Variants in CDH6 observed in about 807,000 individuals in gnomAD.
CDH6 encodes cadherin-6.
In CDH6, 31 loss-of-function variants were observed where a neutral mutation model predicts 78.0. The observed-to-expected ratio is 0.40, with a 90% CI of 0.30 to 0.54. The LOEUF (loss-of-function observed/expected upper bound fraction) is 0.54, where lower values mean the gene tolerates loss of function less well. Ranked by LOEUF, CDH6 falls within the 20% of genes least tolerant of loss-of-function variation. CDH6 has a pLI of 0.56. For missense variants in CDH6, 724 were observed against 975.9 expected (o/e 0.74, Z 3.44); for synonymous variants, 376 against 368.8 (o/e 1.02, Z -0.23).
At chr5:31,194,531 T>G (rs1308542026) in intron 1 of CDH6, among the ~76,000 whole-genome samples, 2 of 152,188 alleles carry the variant, frequency 1.3e-5, no homozygotes, top group Non-Finnish European at 2.9e-5. Context: ...GGGCAACGCC[T>G]GCCGGCTCAT....
intron 1 of CDH6, among the ~76,000 whole-genome samples, chr5:31,264,740 G>A (rs545409703): frequency 3.9e-5 from 6 of 152,252 alleles, no homozygotes; most frequent in African/African-American, 1.4e-4. Context: ...ACCCTGTCAA[G>A]TTGATACAAA....
In CDH6 at chr5:31,262,525, G is replaced by C. The variant is rs181460443; in HGVS notation, c.-128-4821G>C. ...TATTAAGCAGCCTTTTACGTCCACT[G>C]CTAAACTGTCATTAGACTATAATTA... On this transcript the variant is annotated intron_variant, in intron 1 of 11. Coordinates refer to ENST00000265071, the MANE Select transcript of CDH6 (RefSeq NM_004932.4). 2.7e-3 allele frequency among the ~76,000 whole-genome samples: 416 copies of C among 152,290 alleles called. 2 individuals are homozygous for C. Among genetic ancestry groups the C allele is most frequent in the Non-Finnish European group, 4.1e-3 (276 of 68,038 alleles).
At chr5:31,276,801 A>G (rs1742710521) in intron 2 of CDH6, among the ~76,000 whole-genome samples, 1 of 152,196 alleles carries the variant, frequency 6.6e-6, no homozygotes, top group South Asian at 2.1e-4. Flanking sequence ...TCGATTCCTC[A>G]ACTGTTAAAT....
rs1267536350 is a variant in CDH6 at position 31,302,948 on chromosome 5, AAAGAAAGAAGGAAAGAAAAG to A, written c.999+653_999+672del. Among the ~76,000 whole-genome samples, 510 of 131,654 alleles carry A rather than the reference AAAGAAAGAAGGAAAGAAAAG, an allele frequency of 3.9e-3. 5 individuals carry two copies. Among genetic ancestry groups the A allele is most frequent in the African/African-American group, 9.6e-3 (371 of 38,762 alleles). The allele number at this position is 131,654 out of a possible 152,430, so 86.4% of individuals were successfully genotyped here. ...GAAAGAAAGAAAGAAAGAAAGAAAG[AAAGAAAGAAGGAAAGAAAAG>A]AAAGAAAGAAAGAAAGAAAACCAAT... On this transcript the variant is annotated intron_variant, in intron 6 of 11. Transcript: ENST00000265071.
intron 2 of CDH6, among the ~76,000 whole-genome samples, chr5:31,278,459 T>A (rs775082799): frequency 5.9e-5 from 9 of 152,202 alleles, no homozygotes; most frequent in Admixed American, 1.3e-4. Context: ...CCTTTGAGAC[T>A]TTTACAAATT....
intron 1 of CDH6, among the ~76,000 whole-genome samples, chr5:31,199,460 A>ATATATGTACACACATATGTG (rs1561193376): frequency 2.1e-4 from 5 of 23,712 alleles, no homozygotes; most frequent in East Asian, 9.5e-3. Flanking sequence ...ACATATGTGT[A>ATATATGTACACACATATGTG]TATATACACA....
chr5:31,302,944 A>AAAGG (rs1737856711), intron 6 of CDH6, among the ~76,000 whole-genome samples: 4 of 131,664 alleles, frequency 3.0e-5, no homozygotes, highest in Non-Finnish European at 6.9e-5. Flanking sequence ...AGAAAGAAAG[A>AAAGG]AAGAAAGAAA....
chr5:31,290,296 AACAG>A (rs1743122306), intron 2 of CDH6, among the ~76,000 whole-genome samples: 1 of 152,166 alleles, frequency 6.6e-6, no homozygotes, highest in Non-Finnish European at 1.5e-5. Flanking sequence ...CAACAGAGGA[AACAG>A]ACAAAGACCA....
At chr5:31,234,567 A>G (rs1485647978) in intron 1 of CDH6, among the ~76,000 whole-genome samples, 1 of 152,082 alleles carries the variant, frequency 6.6e-6, no homozygotes, top group Non-Finnish European at 1.5e-5. Flanking sequence ...CTCCACCTCC[A>G]CTCCACCACC....
chr5:31,268,310 A>G (rs1389329155), intron 2 of CDH6, among the ~76,000 whole-genome samples: 4 of 152,228 alleles, frequency 2.6e-5, no homozygotes, highest in African/African-American at 9.6e-5. Flanking sequence ...CTGTGGCAAA[A>G]TTTGTAAAAG....
At chr5:31,258,066 G>A (rs1022060620) in intron 1 of CDH6, among the ~76,000 whole-genome samples, 1 of 152,086 alleles carries the variant, frequency 6.6e-6, no homozygotes, top group African/African-American at 2.4e-5. Flanking sequence ...AACCATTGTG[G>A]AAGACAATGT....
Position 31,322,866 on chromosome 5 carries a change from C to T in CDH6, c.1931C>T (p.Pro644Leu), listed in dbSNP as rs1358427224. Residue 644 changes from proline to leucine, a missense_variant, in exon 12 of 12, where the codon CCT becomes CTT. Around this residue, in one of 3 missense-constraint regions of CDH6, gnomAD observed 220 missense variants for 240.6 expected, o/e 0.91. Coordinates refer to ENST00000265071, the MANE Select transcript of CDH6 (RefSeq NM_004932.4). Reference protein sequence around the residue: ...AALRRQRKKEPLIISKEDIRD... With the variant: ...AALRRQRKKELLIISKEDIRD... ...CTGAGGCGGCAGCGAAAAAAAGAGC[C>T]TTTGATCATTTCCAAAGAGGACATC... 1 of 1,614,100 alleles carries T rather than the reference C, an allele frequency of 6.2e-7. No homozygotes were observed. Among genetic ancestry groups the T allele is most frequent in the Admixed American group, 1.7e-5 (1 of 60,022 alleles).
chr5:31,295,197 C>T (rs1737550676), intron 3 of CDH6, among the ~76,000 whole-genome samples: 1 of 152,142 alleles, frequency 6.6e-6, no homozygotes, highest in Non-Finnish European at 1.5e-5. Context: ...TTTAAAGCCA[C>T]TTTGTTTTGT....
chr5:31,318,515 T>A, intron 11 of CDH6: 1 of 231,168 alleles, frequency 4.3e-6, no homozygotes. Context: ...ATAACTTCTG[T>A]GATTGAGGAA....
chr5:31,214,673 TA>T (rs1470662370), intron 1 of CDH6, among the ~76,000 whole-genome samples: 1 of 152,370 alleles, frequency 6.6e-6, no homozygotes, highest in African/African-American at 2.4e-5. Context: ...TGATTGCAGA[TA>T]AATTTTGACC....
chr5:31,322,543 T>C (rs900347287), intron 11 of CDH6, among the ~76,000 whole-genome samples: 1 of 152,174 alleles, frequency 6.6e-6, no homozygotes, highest in African/African-American at 2.4e-5. Context: ...TTGAAACTAG[T>C]TTGCCATTTC....
chr5:31,303,783 A>G (rs1737898654), intron 6 of CDH6, among the ~76,000 whole-genome samples: 1 of 152,162 alleles, frequency 6.6e-6, no homozygotes, highest in Admixed American at 6.5e-5. Flanking sequence ...GCTTTGGATT[A>G]CGTGTCTTAA....
chr5:31,227,300 T>C (rs1354824322), intron 1 of CDH6, among the ~76,000 whole-genome samples: 1 of 152,186 alleles, frequency 6.6e-6, no homozygotes, highest in East Asian at 1.9e-4. Context: ...ACGGTGGACG[T>C]GGAAGACAAT....
intron 7 of CDH6, among the ~76,000 whole-genome samples, chr5:31,310,241 T>C (rs1228417494): frequency 1.8e-5 from 2 of 111,398 alleles, no homozygotes; most frequent in Non-Finnish European, 4.1e-5. Flanking sequence ...CATGCAAGAC[T>C]GAAATCCAGC....
Sources: gnomAD v4.1 joint callset for allele counts (sites outside exome capture counted in the v4.1 genomes callset) on GRCh38, gnomAD v4.1.1 for gene constraint, gnomAD v4.1.1 regional missense constraint, MANE v1.5 for transcripts, NCBI Gene and HGNC (gene_info 2026-07-23, HGNC 2026-07-21) for gene names.